The following TENM2 variants were observed in gnomAD, a reference collection of about 807,000 sequenced individuals.
The protein encoded by TENM2 is teneurin transmembrane protein 2.
Under a neutral mutation model 245.2 loss-of-function variants are expected in TENM2, and 52 were observed. The ratio of observed to expected loss-of-function variants is 0.21; its 90% confidence interval spans 0.17 to 0.27. TENM2 has a LOEUF of 0.27. TENM2 is among the 10% of genes least tolerant of loss of function. The probability of loss-of-function intolerance (pLI) is 1.00; values close to 1 mark genes in which losing one functional copy is unlikely to be tolerated. For missense variants in TENM2, 3,046 were observed against 3,666.8 expected, an observed-to-expected ratio of 0.83 and a Z score of 4.37; for synonymous variants, 1,363 against 1,438.9, an observed-to-expected ratio of 0.95 and a Z score of 1.19.
At chr5:168,131,258 A>G (rs1306405637) in intron 12 of TENM2, among the ~76,000 whole-genome samples, 1 of 152,164 alleles carries the variant, frequency 6.6e-6, no homozygotes, top group Non-Finnish European at 1.5e-5. Context: ...CCCTGAGTGA[A>G]CTGTTTGATA....
intron 2 of TENM2, among the ~76,000 whole-genome samples, chr5:167,531,883 A>G (rs1771530507): frequency 6.6e-6 from 1 of 152,198 alleles, no homozygotes; most frequent in African/African-American, 2.4e-5. Context: ...TTGAACTCCT[A>G]TAAACCTTAT....
At chr5:167,337,254 A>G (rs980669692) in intron 1 of TENM2, among the ~76,000 whole-genome samples, 3 of 152,110 alleles carry the variant, frequency 2.0e-5, no homozygotes, top group Non-Finnish European at 2.9e-5. Context: ...AAATGAAAGC[A>G]AGCAAGTTTA....
At chr5:167,672,384 A>G in intron 2 of TENM2, among the ~76,000 whole-genome samples, 2 of 152,208 alleles carry the variant, frequency 1.3e-5, no homozygotes, top group South Asian at 4.1e-4. Context: ...ATATAACATT[A>G]ATGAAATAAA....
In TENM2 at chr5:168,045,708, T is replaced by C. The variant is rs146394595; in HGVS notation, c.1187-1719T>C. On this transcript the variant is annotated intron_variant, in intron 5 of 28. Coordinates refer to ENST00000518659, the Ensembl canonical transcript of TENM2. Reference sequence around the variant, plus strand: ...CCCAAGGCGAGCTTCAATAACCCAATAGTATCATTTTTTTAAAAAATTATT... The same window carrying C: ...CCCAAGGCGAGCTTCAATAACCCAACAGTATCATTTTTTTAAAAAATTATT... Among the ~76,000 whole-genome samples, 175 of 152,324 alleles carry C rather than the reference T, an allele frequency of 1.1e-3. 2 individuals are homozygous for C. In the East Asian group the frequency reaches 0.032, roughly 28 times the overall value.
intron 3 of TENM2, among the ~76,000 whole-genome samples, chr5:167,931,568 A>AG (rs1269032536): frequency 6.6e-6 from 1 of 151,810 alleles, no homozygotes; most frequent in East Asian, 1.9e-4. Context: ...AAAAAAAAAA[A>AG]AAACAAGAAA....
the TENM2 span, among the ~76,000 whole-genome samples, chr5:167,277,846 C>A: frequency 6.6e-6 from 1 of 152,188 alleles, no homozygotes. Context: ...GAAGATTTAC[C>A]CTTTTATAAT....
At chr5:167,661,092 C>T (rs569515044) in intron 2 of TENM2, among the ~76,000 whole-genome samples, 1 of 152,100 alleles carries the variant, frequency 6.6e-6, no homozygotes, top group East Asian at 1.9e-4. Flanking sequence ...CATTAGGGCA[C>T]GTTGCACTGA....
At chr5:167,304,398 T>G (rs1755541090) in intron 1 of TENM2, among the ~76,000 whole-genome samples, 1 of 152,230 alleles carries the variant, frequency 6.6e-6, no homozygotes, top group African/African-American at 2.4e-5. Context: ...AGCCTCAGTC[T>G]CAGCCTCTCC....
chr5:167,750,098 G>A (rs1327559651), intron 2 of TENM2, among the ~76,000 whole-genome samples: 2 of 151,996 alleles, frequency 1.3e-5, no homozygotes, highest in African/African-American at 2.4e-5. Flanking sequence ...TTCGGGGAAT[G>A]TTAATGGCCC....
chr5:166,991,863 C>G, the TENM2 span, among the ~76,000 whole-genome samples: 1 of 152,080 alleles, frequency 6.6e-6, no homozygotes, highest in Non-Finnish European at 1.5e-5. Flanking sequence ...TTGTCTTTTA[C>G]TTGAAAAGAC....
At chr5:167,188,145 C>T in the TENM2 span, among the ~76,000 whole-genome samples, 2 of 152,120 alleles carry the variant, frequency 1.3e-5, no homozygotes, top group African/African-American at 4.8e-5. Context: ...CTGCTGGGTC[C>T]CTAATGCACT....
At chr5:168,003,102 G>A (rs1368431290) in intron 5 of TENM2, among the ~76,000 whole-genome samples, 2 of 152,082 alleles carry the variant, frequency 1.3e-5, no homozygotes, top group African/African-American at 2.4e-5. Flanking sequence ...GGGAACAGAA[G>A]CTTTTATACT....
chr5:168,140,272 C>T (rs995178192), intron 12 of TENM2, among the ~76,000 whole-genome samples: 8 of 152,168 alleles, frequency 5.3e-5, no homozygotes, highest in Non-Finnish European at 7.3e-5. Flanking sequence ...GCCATTGCCC[C>T]CAAACACAAT....
intron 2 of TENM2, among the ~76,000 whole-genome samples, chr5:167,504,786 A>G (rs371521490): frequency 3.9e-5 from 6 of 152,176 alleles, no homozygotes; most frequent in African/African-American, 1.4e-4. Context: ...GTAGTATAGA[A>G]TGTCTTCCAA....
chr5:167,771,425 G>A (rs1052924213), intron 2 of TENM2, among the ~76,000 whole-genome samples: 2 of 152,088 alleles, frequency 1.3e-5, no homozygotes, highest in African/African-American at 4.8e-5. Context: ...AGCTACCCCA[G>A]TATCTTAGAG....
chr5:167,180,870 G>C, the TENM2 span, among the ~76,000 whole-genome samples: 1 of 151,794 alleles, frequency 6.6e-6, no homozygotes, highest in Non-Finnish European at 1.5e-5. Context: ...CTGCCTCTGG[G>C]GTGGCAGAAG....
intron 2 of TENM2, among the ~76,000 whole-genome samples, chr5:167,630,013 C>T (rs1778760485): frequency 6.6e-6 from 1 of 152,050 alleles, no homozygotes; most frequent in Non-Finnish European, 1.5e-5. Flanking sequence ...TCAAGACTTC[C>T]AGTGGGTGCG....
chr5:167,216,413 C>T, the TENM2 span, among the ~76,000 whole-genome samples: 6 of 152,310 alleles, frequency 3.9e-5, no homozygotes, highest in East Asian at 9.7e-4. Flanking sequence ...CTGACACTTA[C>T]ATTCCACATT....
the TENM2 span, among the ~76,000 whole-genome samples, chr5:167,055,298 A>C: frequency 1.3e-5 from 2 of 152,038 alleles, no homozygotes; most frequent in Non-Finnish European, 2.9e-5. Flanking sequence ...CTATCCTACT[A>C]TCCTTGCTCC....
Sources: allele counts gnomAD v4.1 joint callset (sites outside exome capture counted in the v4.1 genomes callset), GRCh38; gene constraint gnomAD v4.1.1; transcripts MANE v1.5; gene names NCBI Gene and HGNC (gene_info 2026-07-23, HGNC 2026-07-21).